ARRDC4: variants seen among roughly 807,000 people sequenced by gnomAD.
The protein encoded by ARRDC4 is arrestin domain-containing protein 4.
In ARRDC4, 40 loss-of-function variants were observed where a neutral mutation model predicts 44.6. The observed-to-expected ratio is 0.90, with a 90% CI of 0.70 to 1.17. The LOEUF is 1.17. Among genes scored for constraint, ARRDC4 ranks in the 50% most tolerant of loss-of-function variants. The probability of loss-of-function intolerance (pLI) is 0.00; values close to 1 mark genes in which losing one functional copy is unlikely to be tolerated. For synonymous variants in ARRDC4, 211 were observed against 221.2 expected (o/e 0.95, Z 0.41); for missense variants, 550 against 559.1 (o/e 0.98, Z 0.16).
At chr15:97,961,715 G>A (rs921832585) in intron 1 of ARRDC4, among the ~76,000 whole-genome samples, 1 of 152,288 alleles carries the variant, frequency 6.6e-6, no homozygotes, top group South Asian at 2.1e-4. Context: ...CTCTTCTGGG[G>A]AGCAGGGCAA....
In ARRDC4 at chr15:97,964,415, C is replaced by T. The variant is rs889847338; in HGVS notation, c.308-1185C>T. Among the ~76,000 whole-genome samples, 10 of 152,108 alleles carry T rather than the reference C, an allele frequency of 6.6e-5. No homozygotes were observed. The East Asian group carries it at 7.7e-4, about 12-fold the overall frequency. On this transcript the variant is annotated intron_variant, in intron 1 of 7. Transcript: ENST00000268042. ...TTATCCTATCCACAATAAGGGAATTCAATATTAAATCTGAGCATGAAATGA... is the reference window on the plus strand; with the variant it reads ...TTATCCTATCCACAATAAGGGAATTTAATATTAAATCTGAGCATGAAATGA...
Position 97,970,084 on chromosome 15 carries a change from C to G in ARRDC4, c.1045+39C>G. Reference sequence around the variant, plus strand: ...GCGTTCTTTCATAACGAAGCTTTACCTAGAAAATACCTAGGAACAGAATAT... The same window carrying G: ...GCGTTCTTTCATAACGAAGCTTTACGTAGAAAATACCTAGGAACAGAATAT... On this transcript the variant is annotated intron_variant, in intron 6 of 7. Coordinates refer to ENST00000268042, the MANE Select transcript of ARRDC4 (RefSeq NM_183376.3). The surrounding 1 kb of genome is among the most constrained non-coding windows in gnomAD (Gnocchi z 4.2). The G allele has an allele frequency of 6.3e-7, 1 of 1,583,974 alleles. No individual in the cohort carries two copies. The highest frequency in any genetic ancestry group is 8.6e-7 in the Non-Finnish European group (1 of 1,158,308).
intron 1 of ARRDC4, among the ~76,000 whole-genome samples, chr15:97,962,456 A>G (rs1899338613): frequency 6.6e-6 from 1 of 152,194 alleles, no homozygotes; most frequent in Non-Finnish European, 1.5e-5. Flanking sequence ...AGTGAGACAT[A>G]CATTGATTTT....
intron 1 of ARRDC4, among the ~76,000 whole-genome samples, chr15:97,964,807 A>C (rs1899386890): frequency 6.6e-6 from 1 of 152,162 alleles, no homozygotes; most frequent in African/African-American, 2.4e-5. Context: ...GTTTTGTGTT[A>C]TACCCAGTAT....
In ARRDC4 at chr15:97,961,102, G is replaced by A. The variant is rs1484050320; in HGVS notation, c.241G>A (p.Ala81Thr). 1 of 1,455,436 alleles carries A rather than the reference G, an allele frequency of 6.9e-7. No individual in the cohort carries two copies. The highest frequency in any genetic ancestry group is 3.0e-5 in the East Asian group (1 of 32,818). The allele number at this position is 1,455,436 out of a possible 1,614,324, so 90.2% of individuals were successfully genotyped here. A position where few individuals can be genotyped will look rare whatever the true frequency, so the allele number is the denominator to read the frequency against. ...TCPRASASTA[A>T]LAVFSEVEYL... is the part of the protein sequence containing the mutation. ...CCCCCGCGCCTCGGCCAGCACCGCG[G>A]CCCTGGCTGTCTTCTCGGAGGTGGA... Residue 81 changes from alanine to threonine, a missense_variant, in exon 1 of 8, where the codon GCC becomes ACC. By Grantham distance (58) the Ala-to-Thr change is moderately conservative (BLOSUM62 0). Coordinates refer to ENST00000268042, the MANE Select transcript of ARRDC4 (RefSeq NM_183376.3).
At chr15:97,964,997 TAC>T (rs138550311) in intron 1 of ARRDC4, among the ~76,000 whole-genome samples, 4,840 of 147,866 alleles carry the variant, frequency 0.033, 288 homozygotes, top group African/African-American at 0.11. Flanking sequence ...GATTTTTACA[TAC>T]ACACACACAC....
Position 97,965,716 on chromosome 15 carries a change from A to C in ARRDC4, c.374+50A>C. The C allele has an allele frequency of 6.5e-7, 1 of 1,550,380 alleles. No homozygotes were observed. The highest frequency in any genetic ancestry group is 1.1e-5 in the South Asian group (1 of 89,706). On this transcript the variant is annotated intron_variant, in intron 2 of 7. Transcript: ENST00000268042. The surrounding 1 kb of genome is among the most constrained non-coding windows in gnomAD (Gnocchi z 5.1). ...GGTTATCCTTCTCTGCAGTATGTCC[A>C]TTCAAGTTTATCACTGCTAGGTCTC...
At position 97,960,999 on chromosome 15, in the gene ARRDC4, G is replaced by A. The variant is rs200108685; in HGVS notation, c.138G>A (p.Ala46=). Residue 46 remains alanine (A), a synonymous_variant, in exon 1 of 8, where the codon GCG becomes GCA. Coordinates refer to ENST00000268042, the MANE Select transcript of ARRDC4 (RefSeq NM_183376.3). ...ETVAGHVLLE[A]SEPVALRALR... ...TGGCCGGGCACGTGCTGCTGGAGGCGTCCGAGCCGGTGGCCCTGCGCGCGC... is the reference window on the plus strand; with the variant it reads ...TGGCCGGGCACGTGCTGCTGGAGGCATCCGAGCCGGTGGCCCTGCGCGCGC... 6,372 of 1,449,308 alleles carry A rather than the reference G, an allele frequency of 4.4e-3. 20 individuals carry two copies. Among genetic ancestry groups the A allele is most frequent in the Admixed American group, 8.9e-3 (359 of 40,532 alleles). 89.8% of individuals were successfully genotyped at this position (1,449,308 alleles called of 1,614,324 possible). A position where few individuals can be genotyped will look rare whatever the true frequency, so the allele number is the denominator to read the frequency against.
At chr15:97,964,674 C>T (rs1899384237) in intron 1 of ARRDC4, among the ~76,000 whole-genome samples, 2 of 152,100 alleles carry the variant, frequency 1.3e-5, no homozygotes, top group Admixed American at 6.6e-5. Flanking sequence ...GAAAAGGGCC[C>T]TGGCCATGCT....
chr15:97,971,160 G>C lies in ARRDC4; in HGVS notation c.1230G>C (p.Glu410Asp). The C allele has an allele frequency of 6.2e-7, 1 of 1,613,386 alleles. No individual in the cohort carries two copies. The highest frequency in any genetic ancestry group is 8.5e-7 in the Non-Finnish European group (1 of 1,179,412). Reference sequence around the variant, plus strand: ...ACCCACATCCTAGCGACGTAGAAGAGAGCCAGCCTGTTTCCTTCATTCTCT... The same window carrying C: ...ACCCACATCCTAGCGACGTAGAAGACAGCCAGCCTGTTTCCTTCATTCTCT... ...EVDPHPSDVE[E>D]SQPVSFIL The change falls in exon 8 of 8, where the codon GAG becomes GAC. Residue 410 changes from glutamate (E) to aspartate (D), a missense_variant. Coordinates refer to ENST00000268042, the MANE Select transcript of ARRDC4 (RefSeq NM_183376.3).
At position 97,960,773 on chromosome 15, in the gene ARRDC4, G is replaced by C. The variant is rs1232997426; in HGVS notation, c.-89G>C. 8.4e-7 allele frequency: 1 copy of C among 1,186,998 alleles called. No individual in the cohort carries two copies. The allele number at this position is 1,186,998 out of a possible 1,614,324, so 73.5% of individuals were successfully genotyped here. Reference sequence around the variant, plus strand: ...TGCCGCGGCGGCCTTACCCTGCCGCGAGCGCCTGTGACAGCGGCGCCGCTG... The same window carrying C: ...TGCCGCGGCGGCCTTACCCTGCCGCCAGCGCCTGTGACAGCGGCGCCGCTG... On this transcript the variant is annotated 5_prime_UTR_variant, in exon 1 of 8. Transcript: ENST00000268042.
Position 97,970,012 on chromosome 15 carries a change from T to C in ARRDC4, c.1012T>C (p.Trp338Arg), listed in dbSNP as rs1899482826. 1.1e-5 allele frequency: 17 copies of C among 1,612,540 alleles called. No individual in the cohort carries two copies. The highest frequency in any genetic ancestry group is 1.4e-5 in the Non-Finnish European group (16 of 1,178,922). Residue 338 changes from tryptophan to arginine, a missense_variant, in exon 6 of 8, where the codon TGG becomes CGG. By Grantham distance (101) the Trp-to-Arg change is moderately radical (BLOSUM62 -3). Transcript: ENST00000268042. The surrounding 1 kb of genome is among the most constrained non-coding windows in gnomAD (Gnocchi z 4.2). ...IASQFSMDMSWLTLTLPEQPE... is the reference protein window; with the variant it reads ...IASQFSMDMSRLTLTLPEQPE... Reference sequence around the variant, plus strand: ...CAGCCAGTTCAGTATGGATATGAGCTGGTTGACACTGACCCTGCCAGAGCA... The same window carrying C: ...CAGCCAGTTCAGTATGGATATGAGCCGGTTGACACTGACCCTGCCAGAGCA...
chr15:97,962,355 T>C (rs902599207), intron 1 of ARRDC4, among the ~76,000 whole-genome samples: 1 of 152,150 alleles, frequency 6.6e-6, no homozygotes, highest in Non-Finnish European at 1.5e-5. Flanking sequence ...TCATGCACTT[T>C]CCTCAGTATG....
rs892678739 is a variant in ARRDC4 at position 97,970,143 on chromosome 15, C to G, written c.1045+98C>G. On this transcript the variant is annotated intron_variant, in intron 6 of 7. Transcript: ENST00000268042. The surrounding 1 kb of genome is among the most constrained non-coding windows in gnomAD (Gnocchi z 4.2). ...TTAAGTGCTCAGATGTTGATGAGTACTGCTACTATAGGTATCTTTATTCCT... is the reference window on the plus strand; with the variant it reads ...TTAAGTGCTCAGATGTTGATGAGTAGTGCTACTATAGGTATCTTTATTCCT... The G allele has an allele frequency of 7.8e-5, 97 of 1,240,168 alleles. No individual in the cohort carries two copies. The highest frequency in any genetic ancestry group is 1.9e-5 in the Non-Finnish European group (17 of 914,488). The allele number at this position is 1,240,168 out of a possible 1,614,324, so 76.8% of individuals were successfully genotyped here.
intron 1 of ARRDC4, among the ~76,000 whole-genome samples, chr15:97,962,310 A>G (rs572602430): frequency 6.6e-5 from 10 of 152,342 alleles, no homozygotes; most frequent in South Asian, 4.1e-4. Flanking sequence ...TTTTGGATCA[A>G]TGGGAACAGT....
In ARRDC4 at chr15:97,965,805, T is replaced by C; in HGVS notation, c.375-90T>C. 1 of 1,538,676 alleles carries C rather than the reference T, an allele frequency of 6.5e-7. No homozygotes were observed. The highest frequency in any genetic ancestry group is 2.3e-5 in the East Asian group (1 of 44,354). On this transcript the variant is annotated intron_variant, in intron 2 of 7. Transcript: ENST00000268042. This position sits in a 1 kb window ranked among gnomAD's most constrained non-coding sequence, Gnocchi z 5.1. The stretch of plus-strand genomic sequence containing the variant: ...CCTAAATAGACTTACTCTTTTTTTA[T>C]TTCCAACCTAAAACATTTTAAACCA...
chr15:97,968,455 T>C lies in ARRDC4; in HGVS notation c.625+339T>C, dbSNP rs1261140314. Among the ~76,000 whole-genome samples the C allele has an allele frequency of 1.3e-5, 2 of 152,184 alleles. No individual in the cohort carries two copies. The highest frequency in any genetic ancestry group is 2.9e-5 in the Non-Finnish European group (2 of 68,040). ...AAAAGAGAACTACTGGAGTATGAAA[T>C]GCTATTAGACATTCTGATTCCATGC... On this transcript the variant is annotated intron_variant, in intron 4 of 7. Transcript: ENST00000268042. This position sits in a 1 kb window ranked among gnomAD's most constrained non-coding sequence, Gnocchi z 5.4.
In ARRDC4 at chr15:97,966,839, A is replaced by G. The variant is rs757462170; in HGVS notation, c.522+797A>G. Among the ~76,000 whole-genome samples, 1 of 152,204 alleles carries G rather than the reference A, an allele frequency of 6.6e-6. No homozygotes were observed. The highest frequency in any genetic ancestry group is 1.5e-5 in the Non-Finnish European group (1 of 68,038). ...TTTTTACTTCATAGAAAATACTGAG[A>G]TAATTTAAACTTTCCATCACGATAC... On this transcript the variant is annotated intron_variant, in intron 3 of 7. Transcript: ENST00000268042. This position sits in a 1 kb window ranked among gnomAD's most constrained non-coding sequence, Gnocchi z 4.7.
chr15:97,961,255 C>T lies in ARRDC4; in HGVS notation c.307+87C>T, dbSNP rs899075658. The T allele has an allele frequency of 1.4e-5, 17 of 1,224,762 alleles. No individual in the cohort carries two copies. In the African/African-American group the frequency reaches 2.6e-4, roughly 18 times the overall value. The allele number at this position is 1,224,762 out of a possible 1,614,324, so 75.9% of individuals were successfully genotyped here. A position where few individuals can be genotyped will look rare whatever the true frequency, so the allele number is the denominator to read the frequency against. On this transcript the variant is annotated intron_variant, in intron 1 of 7. Coordinates refer to ENST00000268042, the MANE Select transcript of ARRDC4 (RefSeq NM_183376.3). Reference sequence around the variant, plus strand: ...AGGCCGCGCACCCTCGGGATGCCCACCTGGCAGGTGAGATCAGGGCGGGCT... The same window carrying T: ...AGGCCGCGCACCCTCGGGATGCCCATCTGGCAGGTGAGATCAGGGCGGGCT...
Sources: gnomAD v4.1 joint callset for allele counts (sites outside exome capture counted in the v4.1 genomes callset) on GRCh38, gnomAD v4.1.1 for gene constraint, Gnocchi (gnomAD v3.1) non-coding constraint, MANE v1.5 for transcripts, NCBI Gene and HGNC (gene_info 2026-07-23, HGNC 2026-07-21) for gene names.